EML6: variants seen among roughly 807,000 people sequenced by gnomAD.
The protein encoded by EML6 is EMAP like 6.
EML6 carries 154 observed loss-of-function variants against 240.1 expected under a neutral mutation model. That is an observed-to-expected ratio of 0.64 (90% CI 0.56 to 0.73). The LOEUF (loss-of-function observed/expected upper bound fraction) is 0.73. EML6 is among the 30% of genes least tolerant of loss of function. The pLI, the probability that EML6 is intolerant of heterozygous loss-of-function variation, is 0.00. For missense variants in EML6, 2,964 were observed against 2,474.6 expected, an observed-to-expected ratio of 1.20 and a Z score of -4.20; for synonymous variants, 1,148 against 899.0, an observed-to-expected ratio of 1.28 and a Z score of -4.95.
intron 21 of EML6, among the ~76,000 whole-genome samples, chr2:54,899,440 G>T (rs1049217172): frequency 4.6e-5 from 7 of 152,216 alleles, no homozygotes; most frequent in African/African-American, 1.7e-4. Context: ...ATTTAGCATC[G>T]TGTAGGTCTA....
At chr2:54,802,912 C>A (rs1197876025) in intron 2 of EML6, among the ~76,000 whole-genome samples, 5 of 152,092 alleles carry the variant, frequency 3.3e-5, no homozygotes, top group Non-Finnish European at 7.4e-5. Flanking sequence ...TGTGATAGTT[C>A]CACAGTGACT....
intron 2 of EML6, among the ~76,000 whole-genome samples, chr2:54,737,319 G>A (rs1683442641): frequency 6.6e-6 from 1 of 152,110 alleles, no homozygotes. Flanking sequence ...GTTTTTTTAA[G>A]ATGGAGTCTC....
At chr2:54,898,253 C>G (rs765330657) in intron 21 of EML6, among the ~76,000 whole-genome samples, 1 of 152,008 alleles carries the variant, frequency 6.6e-6, no homozygotes, top group East Asian at 1.9e-4. Context: ...CTGTGTTACA[C>G]GGGGATTAAA....
intron 2 of EML6, among the ~76,000 whole-genome samples, chr2:54,744,084 C>G (rs1481943050): frequency 1.3e-5 from 2 of 148,248 alleles, no homozygotes; most frequent in East Asian, 4.0e-4. Flanking sequence ...TTGGACAATT[C>G]TGGGCATTTA....
intron 28 of EML6, among the ~76,000 whole-genome samples, chr2:54,940,998 A>T (rs928264686): frequency 1.3e-5 from 2 of 152,230 alleles, no homozygotes; most frequent in African/African-American, 4.8e-5. Flanking sequence ...AACGGGAAGG[A>T]TGTAGACAGG....
At chr2:54,936,758 T>C (rs1442799295) in intron 28 of EML6, among the ~76,000 whole-genome samples, 1 of 152,238 alleles carries the variant, frequency 6.6e-6, no homozygotes, top group African/African-American at 2.4e-5. Context: ...TACATTATTT[T>C]TATAACATTA....
intron 38 of EML6, among the ~76,000 whole-genome samples, chr2:54,965,130 C>A (rs1676690897): frequency 6.6e-6 from 1 of 152,122 alleles, no homozygotes. Context: ...ATACGTGGGC[C>A]CTGGACTCCA....
chr2:54,929,004 G>A (rs567972941), intron 28 of EML6, among the ~76,000 whole-genome samples: 3 of 145,744 alleles, frequency 2.1e-5, no homozygotes, highest in African/African-American at 7.6e-5. Flanking sequence ...AAATTTAGTT[G>A]GACTACACTT....
chr2:54,739,455 ACCT>A (rs199811369), intron 2 of EML6, among the ~76,000 whole-genome samples: 247 of 152,360 alleles, frequency 1.6e-3, no homozygotes, highest in African/African-American at 5.5e-3. Flanking sequence ...AAGTTCATCA[ACCT>A]CCTGAAATCT....
intron 11 of EML6, among the ~76,000 whole-genome samples, chr2:54,857,860 G>A (rs1025995130): frequency 6.6e-6 from 1 of 152,204 alleles, no homozygotes; most frequent in African/African-American, 2.4e-5. Flanking sequence ...AGCGGGGAGA[G>A]AGGGCAGAAA....
At chr2:54,888,161 GC>G (rs1269147531) in intron 17 of EML6, among the ~76,000 whole-genome samples, 1 of 152,218 alleles carries the variant, frequency 6.6e-6, no homozygotes, top group Admixed American at 6.5e-5. Context: ...CGAGCTGGGG[GC>G]TGGGGCAGGA....
At chr2:54,921,276 C>T (rs984034398) in intron 26 of EML6, among the ~76,000 whole-genome samples, 2 of 152,056 alleles carry the variant, frequency 1.3e-5, no homozygotes, top group African/African-American at 4.8e-5. Context: ...ACAAAGCTAA[C>T]ATATACAATT....
intron 26 of EML6, among the ~76,000 whole-genome samples, chr2:54,919,355 C>T (rs1381150100): frequency 6.6e-6 from 1 of 151,712 alleles, no homozygotes; most frequent in South Asian, 2.1e-4. Context: ...ATTTGCTACT[C>T]CTGTCATTTG....
At chr2:54,750,987 T>C (rs1684137018) in intron 2 of EML6, among the ~76,000 whole-genome samples, 1 of 152,142 alleles carries the variant, frequency 6.6e-6, no homozygotes. Context: ...TTGAGCTTAC[T>C]AAAACAATAT....
At chr2:54,752,803 T>G (rs1249501262) in intron 2 of EML6, among the ~76,000 whole-genome samples, 3 of 152,212 alleles carry the variant, frequency 2.0e-5, no homozygotes, top group Non-Finnish European at 4.4e-5. Flanking sequence ...TAAACCTTTT[T>G]TTTGAGACAG....
intron 13 of EML6, among the ~76,000 whole-genome samples, chr2:54,866,203 C>A (rs1670961562): frequency 6.6e-6 from 1 of 152,182 alleles, no homozygotes; most frequent in African/African-American, 2.4e-5. Flanking sequence ...ATGGACATTT[C>A]TTGGTAGTAA....
At position 54,892,532 on chromosome 2, in the gene EML6, G is replaced by A. The variant is rs1024448306; in HGVS notation, c.2618G>A (p.Arg873Gln). Residue 873 changes from arginine (R) to glutamine (Q), a missense_variant, in exon 19 of 42, where the codon CGA becomes CAA. Arg to Gln is a conservative substitution (Grantham distance 43, BLOSUM62 1). Transcript: ENST00000356458. ...LETMMCVSYG[R>Q]MEDLVFSGAA... ...ACAATGATGTGTGTTTCTTACGGAC[G>A]AATGGAAGATCTAGTGTTCTCAGGA... 10 of 1,551,260 alleles carry A rather than the reference G, an allele frequency of 6.4e-6. No homozygotes were observed. The highest frequency in any genetic ancestry group is 2.4e-5 in the East Asian group (1 of 40,922).
intron 7 of EML6, among the ~76,000 whole-genome samples, chr2:54,832,794 T>C (rs1668946787): frequency 6.7e-6 from 1 of 150,058 alleles, no homozygotes; most frequent in Non-Finnish European, 1.5e-5. Flanking sequence ...GGCCTTCTGC[T>C]CCACCTCTCT....
chr2:54,967,687 T>C (rs1353954805), intron 39 of EML6, among the ~76,000 whole-genome samples: 4 of 152,038 alleles, frequency 2.6e-5, no homozygotes, highest in African/African-American at 9.7e-5. Flanking sequence ...GACAGATGCT[T>C]TCATGCCAGG....
Sources: allele counts gnomAD v4.1 joint callset (sites outside exome capture counted in the v4.1 genomes callset), GRCh38; gene constraint gnomAD v4.1.1; transcripts MANE v1.5; gene names NCBI Gene and HGNC (gene_info 2026-07-23, HGNC 2026-07-21).